The following TUBA3D variants were observed in gnomAD, a reference collection of about 807,000 sequenced individuals.
TUBA3D encodes tubulin alpha-3D chain.
In TUBA3D, 24 loss-of-function variants were observed where a neutral mutation model predicts 36.1. That is an observed-to-expected ratio of 0.66 (90% CI 0.48 to 0.93). The LOEUF (loss-of-function observed/expected upper bound fraction) is 0.93, where lower values mean the gene tolerates loss of function less well. Among genes scored for constraint, TUBA3D ranks in the 40% least tolerant of loss-of-function variants. The pLI is 0.00. For missense variants in TUBA3D, 356 were observed against 614.5 expected, an observed-to-expected ratio of 0.58 and a Z score of 4.45; for synonymous variants, 185 against 247.2, an observed-to-expected ratio of 0.75 and a Z score of 2.36.
At chr2:131,476,979 T>A (rs1430841379) in intron 1 of TUBA3D, among the ~76,000 whole-genome samples, 7 of 144,478 alleles carry the variant, frequency 4.8e-5, no homozygotes, top group African/African-American at 1.9e-4. Flanking sequence ...GATTCCCAAG[T>A]CCCAAGTCTG....
intron 2 of TUBA3D, chr2:131,478,855 G>A: frequency 4.8e-6 from 1 of 209,106 alleles, no homozygotes; most frequent in South Asian, 1.2e-4. Context: ...GCACCTTTCA[G>A]TGGCCCCCCA....
Position 131,477,824 on chromosome 2 carries a change from C to A in TUBA3D, c.4-340C>A, listed in dbSNP as rs187671455. ...CCTTATCCTTTGATCAGGACATAATCAAAAACTGCTACATATTCTTCAGAG... is the reference window on the plus strand; with the variant it reads ...CCTTATCCTTTGATCAGGACATAATAAAAAACTGCTACATATTCTTCAGAG... On this transcript the variant is annotated intron_variant, in intron 1 of 4. Transcript: ENST00000321253. Among the ~76,000 whole-genome samples, 5 of 152,186 alleles carry A rather than the reference C, an allele frequency of 3.3e-5. No homozygotes were observed. The East Asian group carries it at 7.7e-4, about 24-fold the overall frequency.
At chr2:131,479,684 A>G (rs1202798496) in intron 3 of TUBA3D, among the ~76,000 whole-genome samples, 6 of 152,178 alleles carry the variant, frequency 3.9e-5, no homozygotes, top group Non-Finnish European at 8.8e-5. Context: ...TACTAAAAAT[A>G]CAAAAATTAG....
Position 131,478,179 on chromosome 2 carries a change from A to C in TUBA3D, c.19A>C (p.Ile7Leu). ...CTGTTCACAGCGCGAGTGTATCTCT[A>C]TCCACGTGGGGCAGGCGGGTGTCCA... The part of the protein sequence containing the change: MRECIS[I>L]HVGQAGVQIG... Residue 7 changes from isoleucine (I) to leucine (L), a missense_variant, in exon 2 of 5, where the codon ATC becomes CTC. By Grantham distance (5) the Ile-to-Leu change is conservative. Coordinates refer to ENST00000321253, the MANE Select transcript of TUBA3D (RefSeq NM_080386.4). 6.2e-7 allele frequency: 1 copy of C among 1,613,688 alleles called. No individual in the cohort carries two copies. Among genetic ancestry groups the C allele is most frequent in the Non-Finnish European group, 8.5e-7 (1 of 1,179,758 alleles).
At position 131,476,923 on chromosome 2, in the gene TUBA3D, C is replaced by T. The variant is rs72859879; in HGVS notation, c.3+721C>T. On this transcript the variant is annotated intron_variant, in intron 1 of 4. Transcript: ENST00000321253. Reference sequence around the variant, plus strand: ...GCACTCCAGCCTGGGCCACAGAGACCCTGCCTCAAAGACACAAACAAAAAA... The same window carrying T: ...GCACTCCAGCCTGGGCCACAGAGACTCTGCCTCAAAGACACAAACAAAAAA... Among the ~76,000 whole-genome samples, 151 of 144,424 alleles carry T rather than the reference C, an allele frequency of 1.0e-3. 4 individuals carry two copies. Among genetic ancestry groups the T allele is most frequent in the Middle Eastern group, 3.4e-3 (1 of 294 alleles). 94.7% of individuals were successfully genotyped at this position (144,424 alleles called of 152,430 possible).
At position 131,482,570 on chromosome 2, in the gene TUBA3D, C is replaced by T; in HGVS notation, c.1075C>T (p.Pro359Ser). ...CTGGCAGGTGGGCATTAACTACCAG[C>T]CCCCCACAGTGGTCCCCGGGGGAGA... The part of the protein sequence containing the change: ...TGFKVGINYQ[P>S]PTVVPGGDLA... The change falls in exon 5 of 5, where the codon CCC becomes TCC. Residue 359 changes from proline to serine, a missense_variant. Physicochemically the swap from Pro to Ser is moderately conservative, Grantham distance 74. Around this residue, in one of 3 missense-constraint regions of TUBA3D, gnomAD observed 156 missense variants for 219.8 expected, o/e 0.71. Transcript: ENST00000321253. 6.2e-7 allele frequency: 1 copy of T among 1,608,224 alleles called. No homozygotes were observed. The highest frequency in any genetic ancestry group is 2.2e-5 in the East Asian group (1 of 44,708).
Position 131,480,715 on chromosome 2 carries a change from T to A in TUBA3D, c.1022T>A (p.Ile341Asn). Residue 341 changes from isoleucine to asparagine, a missense_variant, in exon 4 of 5, where the codon ATC becomes AAC. By Grantham distance (149) the Ile-to-Asn change is moderately radical. This residue lies in a region of TUBA3D where 156 missense variants were observed against 219.8 expected (regional missense o/e 0.71). Transcript: ENST00000321253. ...AIATIKTKRT[I>N]QFVDWCPTGF... is the part of the protein sequence containing the mutation. ...GCCACCATCAAGACCAAGCGCACCA[T>A]CCAGTTTGTGGATTGGTGCCCGACT... 1.2e-6 allele frequency: 2 copies of A among 1,611,988 alleles called. No homozygotes were observed. Among genetic ancestry groups the A allele is most frequent in the Non-Finnish European group, 1.7e-6 (2 of 1,178,940 alleles).
In TUBA3D at chr2:131,480,589, C is replaced by A; in HGVS notation, c.896C>A (p.Ala299Asp). 1.2e-6 allele frequency: 2 copies of A among 1,611,832 alleles called. No homozygotes were observed. Among genetic ancestry groups the A allele is most frequent in the Admixed American group, 3.3e-5 (2 of 59,930 alleles). Residue 299 changes from alanine (A) to aspartate (D), a missense_variant, in exon 4 of 5, where the codon GCC becomes GAC. Around this residue, in one of 3 missense-constraint regions of TUBA3D, gnomAD observed 156 missense variants for 219.8 expected, o/e 0.71. Transcript: ENST00000321253. ...ATCACCAATGCCTGCTTCGAGCCAGCCAATCAAATGGTCAAGTGTGACCCT... is the reference window on the plus strand; with the variant it reads ...ATCACCAATGCCTGCTTCGAGCCAGACAATCAAATGGTCAAGTGTGACCCT... ...AEITNACFEP[A>D]NQMVKCDPRH...
chr2:131,480,789 G>C, intron 4 of TUBA3D, 40 bp downstream of exon 4: 1 of 1,562,314 alleles, frequency 6.4e-7, no homozygotes, highest in African/African-American at 1.3e-5. Flanking sequence ...GCAAGCAGCA[G>C]ATGCACAAAA....
Position 131,480,762 on chromosome 2 carries a change from G to T in TUBA3D, c.1056+13G>T. The T allele has an allele frequency of 1.2e-6, 2 of 1,604,434 alleles. No homozygotes were observed. Among genetic ancestry groups the T allele is most frequent in the Non-Finnish European group, 1.7e-6 (2 of 1,172,836 alleles). On this transcript the variant is annotated intron_variant, in intron 4 of 4. Transcript: ENST00000321253. ...GACTGGATTTAAGGTATGACTGGGT[G>T]ATGTGGAGGCCTTTCAGCAAGCAGC...
rs1247875073 is a variant in TUBA3D, at chr2:131,480,343, T to C, written c.650T>C (p.Leu217Pro). The change falls in exon 4 of 5, where the codon CTG becomes CCG. Residue 217 changes from leucine to proline, a missense_variant. Around this residue, in one of 3 missense-constraint regions of TUBA3D, gnomAD observed 91 missense variants for 240.9 expected, o/e 0.38. Transcript: ENST00000321253. The stretch of plus-strand genomic sequence containing the variant: ...ATCTATGACATATGTCGGCGCAACC[T>C]GGACATTGAACGTCCCACGTACACC... ...EAIYDICRRN[L>P]DIERPTYTNL... The C allele has an allele frequency of 6.2e-7, 1 of 1,611,696 alleles. No individual in the cohort carries two copies. The highest frequency in any genetic ancestry group is 8.5e-7 in the Non-Finnish European group (1 of 1,179,978).
rs1044442680 is a variant in TUBA3D, at chr2:131,476,517, T to C, written c.3+315T>C. Among the ~76,000 whole-genome samples the C allele has an allele frequency of 4.5e-4, 68 of 152,184 alleles. 1 individual carries two copies. Among genetic ancestry groups the C allele is most frequent in the Admixed American group, 2.3e-3 (35 of 15,284 alleles). ...GCGCTGCTCCCGCTTCACACGTCTT[T>C]GTGCTACTCGAAACAACTGAGGAGC... On this transcript the variant is annotated intron_variant, in intron 1 of 4. Coordinates refer to ENST00000321253, the MANE Select transcript of TUBA3D (RefSeq NM_080386.4).
intron 1 of TUBA3D, among the ~76,000 whole-genome samples, chr2:131,477,628 G>A (rs969938807): frequency 1.3e-5 from 2 of 150,976 alleles, no homozygotes; most frequent in African/African-American, 2.5e-5. Context: ...GCCAGAGGGC[G>A]AGGAAGGCCT....
At chr2:131,477,709 G>A (rs1332915796) in intron 1 of TUBA3D, among the ~76,000 whole-genome samples, 5 of 151,146 alleles carry the variant, frequency 3.3e-5, no homozygotes, top group Admixed American at 2.0e-4. Context: ...GGGTAGAACT[G>A]GGGGGTAGAG....
rs931884668 is a variant in TUBA3D at position 131,480,704 on chromosome 2, C to A, written c.1011C>A (p.Thr337=). Residue 337 remains threonine, a synonymous_variant, in exon 4 of 5, where the codon ACC becomes ACA. Transcript: ENST00000321253. ...DVNAAIATIK[T]KRTIQFVDWC... ...ACGCGGCCATCGCCACCATCAAGAC[C>A]AAGCGCACCATCCAGTTTGTGGATT... The A allele has an allele frequency of 2.5e-6, 4 of 1,612,940 alleles. No individual in the cohort carries two copies. In the African/African-American group the frequency reaches 5.4e-5, roughly 22 times the overall value.
rs138444379 is a variant in TUBA3D, at chr2:131,478,285, T to C, written c.125T>C (p.Ile42Thr). The C allele has an allele frequency of 1.8e-4, 290 of 1,614,008 alleles. 3 individuals carry two copies. Among genetic ancestry groups the C allele is most frequent in the South Asian group, 1.2e-3 (111 of 91,076 alleles). Reference sequence around the variant, plus strand: ...GGCCAAATGCCAAGTGATAAAACCATTGGTGGCGGGGACGACTCCTTCAAC... The same window carrying C: ...GGCCAAATGCCAAGTGATAAAACCACTGGTGGCGGGGACGACTCCTTCAAC... ...PDGQMPSDKT[I>T]GGGDDSFNTF... Residue 42 changes from isoleucine to threonine, a missense_variant, in exon 2 of 5, where the codon ATT becomes ACT. Transcript: ENST00000321253.
Position 131,482,390 on chromosome 2 carries a change from C to T in TUBA3D, c.1057-162C>T, listed in dbSNP as rs190815908. On this transcript the variant is annotated intron_variant, in intron 4 of 4. Coordinates refer to ENST00000321253, the MANE Select transcript of TUBA3D (RefSeq NM_080386.4). ...TCCTTTCTCTATTCCTCATCTGGAA[C>T]TATCACCCTGCCTGGTGCAGAGAAG... 1.8e-4 allele frequency among the ~76,000 whole-genome samples: 27 copies of T among 152,352 alleles called. 1 individual carries two copies. Among genetic ancestry groups the T allele is most frequent in the African/African-American group, 5.3e-4 (22 of 41,574 alleles).
In TUBA3D at chr2:131,476,182, G is replaced by T. The variant is rs7561673; in HGVS notation, c.-18G>T. On this transcript the variant is annotated 5_prime_UTR_variant, in exon 1 of 5. Coordinates refer to ENST00000321253, the MANE Select transcript of TUBA3D (RefSeq NM_080386.4). ...TGAGGTCTGGCAGTAGCGTTGGGCT[G>T]AAGCAGCGGAGTTCGCCATGGTAAG... 6.2e-7 allele frequency: 1 copy of T among 1,613,600 alleles called. No homozygotes were observed. Among genetic ancestry groups the T allele is most frequent in the Admixed American group, 1.7e-5 (1 of 59,986 alleles).
In TUBA3D at chr2:131,478,202, C is replaced by T. The variant is rs1433978448; in HGVS notation, c.42C>T (p.Val14=). 2.9e-5 allele frequency: 46 copies of T among 1,613,934 alleles called. No individual in the cohort carries two copies. The highest frequency in any genetic ancestry group is 3.8e-5 in the Non-Finnish European group (45 of 1,179,932). Residue 14 remains valine (V), a synonymous_variant, in exon 2 of 5, where the codon GTC becomes GTT. Transcript: ENST00000321253. ...CTATCCACGTGGGGCAGGCGGGTGT[C>T]CAGATCGGCAATGCCTGCTGGGAAC... ...CISIHVGQAG[V]QIGNACWELY...
Sources: gnomAD v4.1 joint callset for allele counts (sites outside exome capture counted in the v4.1 genomes callset) on GRCh38, gnomAD v4.1.1 for gene constraint, gnomAD v4.1.1 regional missense constraint, MANE v1.5 for transcripts, NCBI Gene and HGNC (gene_info 2026-07-23, HGNC 2026-07-21) for gene names.